Variants in PDE4D observed in about 807,000 individuals in gnomAD.
PDE4D encodes 3',5'-cyclic-AMP phosphodiesterase 4D.
PDE4D carries 24 observed loss-of-function variants against 87.4 expected under a neutral mutation model. The ratio of observed to expected loss-of-function variants is 0.27; its 90% CI spans 0.20 to 0.39. PDE4D has a LOEUF of 0.39. PDE4D is among the 10% of genes least tolerant of loss of function. The pLI, the probability that PDE4D is intolerant of heterozygous loss-of-function variation, is 1.00. For synonymous variants in PDE4D, 384 were observed against 383.2 expected (o/e 1.00, Z -0.02); for missense variants, 714 against 1,041.0 (o/e 0.69, Z 4.32).
intron 1 of PDE4D, among the ~76,000 whole-genome samples, chr5:59,887,720 A>AGT (rs141991192): frequency 8.6e-4 from 130 of 150,870 alleles, no homozygotes; most frequent in Middle Eastern, 3.4e-3. Flanking sequence ...GCAAGCCATC[A>AGT]GTGTGTGTGT....
At chr5:60,329,882 G>T (rs1248717217) in intron 1 of PDE4D, among the ~76,000 whole-genome samples, 1 of 152,138 alleles carries the variant, frequency 6.6e-6, no homozygotes, top group African/African-American at 2.4e-5. Context: ...AAGCAGAAAT[G>T]AGGTATAACT....
At chr5:60,102,664 G>T (rs1582658985) in intron 2 of PDE4D, among the ~76,000 whole-genome samples, 1 of 152,084 alleles carries the variant, frequency 6.6e-6, no homozygotes. Context: ...CAAAAAGAAA[G>T]GATAGAGATT....
chr5:60,230,838 A>G (rs1745720196), intron 1 of PDE4D, among the ~76,000 whole-genome samples: 1 of 152,046 alleles, frequency 6.6e-6, no homozygotes, highest in South Asian at 2.1e-4. Flanking sequence ...GATGCAATGG[A>G]AATTTAAACA....
At chr5:59,178,522 A>G (rs958292598) in intron 5 of PDE4D, among the ~76,000 whole-genome samples, 5 of 152,024 alleles carry the variant, frequency 3.3e-5, no homozygotes, top group Non-Finnish European at 5.9e-5. Context: ...AGGAGCTTCT[A>G]TGAGGTCTGT....
At chr5:59,029,564 T>G (rs1006606792) in intron 6 of PDE4D, among the ~76,000 whole-genome samples, 1 of 151,916 alleles carries the variant, frequency 6.6e-6, no homozygotes, top group Admixed American at 6.6e-5. Context: ...CTGAAAGAAT[T>G]AGTAATGTTA....
chr5:60,419,235 A>G (rs754038322), intron 1 of PDE4D, among the ~76,000 whole-genome samples: 11 of 152,210 alleles, frequency 7.2e-5, no homozygotes, highest in Non-Finnish European at 1.5e-4. Flanking sequence ...ATGAGTAAAA[A>G]TAGGAATCTG....
At chr5:60,432,184 T>A (rs1237716284) in intron 1 of PDE4D, among the ~76,000 whole-genome samples, 1 of 152,194 alleles carries the variant, frequency 6.6e-6, no homozygotes, top group Non-Finnish European at 1.5e-5. Context: ...TTTTTGCATC[T>A]ATGTTCATCA....
intron 1 of PDE4D, among the ~76,000 whole-genome samples, chr5:60,394,817 G>T (rs569043025): frequency 6.6e-6 from 1 of 152,310 alleles, no homozygotes; most frequent in African/African-American, 2.4e-5. Flanking sequence ...CAGCAGTAAT[G>T]ACATTACTTT....
chr5:60,298,511 C>A (rs991183272), intron 1 of PDE4D, among the ~76,000 whole-genome samples: 1 of 152,164 alleles, frequency 6.6e-6, no homozygotes, highest in Non-Finnish European at 1.5e-5. Context: ...TATTTGGATA[C>A]ACAAATTAGG....
At chr5:59,528,270 T>C (rs1185951871) in intron 1 of PDE4D, among the ~76,000 whole-genome samples, 2 of 152,120 alleles carry the variant, frequency 1.3e-5, no homozygotes, top group Admixed American at 6.6e-5. Flanking sequence ...CAATCTTTAT[T>C]ATGGAAAAGG....
At chr5:59,909,119 T>C (rs1753162226) in intron 3 of PDE4D, among the ~76,000 whole-genome samples, 1 of 152,144 alleles carries the variant, frequency 6.6e-6, no homozygotes, top group Admixed American at 6.6e-5. Context: ...ACCCAAACAT[T>C]TCTAGGTCTT....
chr5:59,708,878 G>T (rs974487750), intron 1 of PDE4D, among the ~76,000 whole-genome samples: 2 of 150,542 alleles, frequency 1.3e-5, no homozygotes, highest in African/African-American at 2.4e-5. Flanking sequence ...AATAGCATTG[G>T]CTGAAAAGTC....
intron 1 of PDE4D, among the ~76,000 whole-genome samples, chr5:59,533,971 T>C (rs950485781): frequency 6.6e-6 from 1 of 152,194 alleles, no homozygotes; most frequent in Non-Finnish European, 1.5e-5. Flanking sequence ...TTTTGAAAAC[T>C]AGATATTTGA....
chr5:59,153,709 T>G (rs1311323372), intron 5 of PDE4D, among the ~76,000 whole-genome samples: 1 of 151,994 alleles, frequency 6.6e-6, no homozygotes, highest in African/African-American at 2.4e-5. Flanking sequence ...ACACTAGTAC[T>G]ATGTGTGGTT....
In PDE4D at chr5:59,893,357, C is replaced by T; in HGVS notation, c.266G>A (p.Gly89Glu). The T allele has an allele frequency of 3.1e-6, 4 of 1,273,862 alleles. No homozygotes were observed. The highest frequency in any genetic ancestry group is 4.2e-5 in the Admixed American group (1 of 23,832). The allele number at this position is 1,273,862 out of a possible 1,614,324, so 78.9% of individuals were successfully genotyped here. The change falls in exon 1 of 15, where the codon GGG (glycine) becomes GAG (glutamate). Residue 89 changes from glycine (G) to glutamate (E), a missense_variant. Gly to Glu is a moderately conservative substitution (Grantham distance 98, BLOSUM62 -2). Transcript: ENST00000340635. Reference sequence around the variant, plus strand: ...CGAGGCGTAGCGGCCGCGGGCAGCCCCGGGCGGCGGCGGGGGCGGCGGCAG... The same window carrying T: ...CGAGGCGTAGCGGCCGCGGGCAGCCTCGGGCGGCGGCGGGGGCGGCGGCAG... ...PPLPPPPPPP[G>E]AARGRYASSG...
chr5:59,461,631 A>G (rs939587285), intron 1 of PDE4D, among the ~76,000 whole-genome samples: 4 of 152,240 alleles, frequency 2.6e-5, no homozygotes, highest in Non-Finnish European at 4.4e-5. Context: ...ATTTTTCCCC[A>G]GGAGTTGACT....
At chr5:59,018,742 C>T (rs1754524474) in intron 6 of PDE4D, among the ~76,000 whole-genome samples, 1 of 152,092 alleles carries the variant, frequency 6.6e-6, no homozygotes, top group Non-Finnish European at 1.5e-5. Context: ...CCCTAAAACC[C>T]ATAATAAACA....
At chr5:60,233,774 A>G (rs1746092881) in intron 1 of PDE4D, among the ~76,000 whole-genome samples, 1 of 151,774 alleles carries the variant, frequency 6.6e-6, no homozygotes, top group Non-Finnish European at 1.5e-5. Flanking sequence ...ACCATGATAA[A>G]GGCACTATTA....
At chr5:59,505,907 A>C (rs1809180231) in intron 1 of PDE4D, among the ~76,000 whole-genome samples, 1 of 152,188 alleles carries the variant, frequency 6.6e-6, no homozygotes. Context: ...AATATATAAA[A>C]ACACTACATG....
Sources: allele counts gnomAD v4.1 joint callset (sites outside exome capture counted in the v4.1 genomes callset), GRCh38; gene constraint gnomAD v4.1.1; transcripts MANE v1.5; gene names NCBI Gene and HGNC (gene_info 2026-07-23, HGNC 2026-07-21).